CALN1: variants seen among roughly 807,000 people sequenced by gnomAD.
CALN1 encodes the protein calneuron 1.
Under a neutral mutation model 30.6 loss-of-function variants are expected in CALN1, and 17 were observed. The ratio of observed to expected loss-of-function variants is 0.56; its 90% CI spans 0.38 to 0.83. The LOEUF is 0.83. Ranked by LOEUF, CALN1 falls within the 40% of genes least tolerant of loss-of-function variation. The pLI is 0.00. For synonymous variants in CALN1, 156 were observed against 131.4 expected (o/e 1.19, Z -1.28); for missense variants, 291 against 354.9 (o/e 0.82, Z 1.45).
intron 3 of CALN1, among the ~76,000 whole-genome samples, chr7:72,243,478 C>A (rs568512418): frequency 1.3e-5 from 2 of 152,158 alleles, no homozygotes; most frequent in Admixed American, 1.3e-4. Context: ...GAGCTTCTTT[C>A]GGTGCTAAGT....
At chr7:71,982,824 A>G (rs1798469775) in intron 5 of CALN1, among the ~76,000 whole-genome samples, 1 of 152,090 alleles carries the variant, frequency 6.6e-6, no homozygotes, top group African/African-American at 2.4e-5. Flanking sequence ...GCAGACATAG[A>G]AAGGCAGGCC....
chr7:71,788,950 G>A (rs947340521), intron 6 of CALN1, among the ~76,000 whole-genome samples: 11 of 151,926 alleles, frequency 7.2e-5, no homozygotes, highest in South Asian at 4.2e-4. Context: ...GAGCCACTGC[G>A]CCTGGCCGAC....
At chr7:72,148,476 G>A (rs1218981912) in intron 3 of CALN1, among the ~76,000 whole-genome samples, 5 of 152,018 alleles carry the variant, frequency 3.3e-5, no homozygotes, top group African/African-American at 1.2e-4. Context: ...GGTGCCTGTA[G>A]TCCCAGCTAC....
At chr7:72,456,292 G>T in the CALN1 span, among the ~76,000 whole-genome samples, 1 of 152,146 alleles carries the variant, frequency 6.6e-6, no homozygotes, top group Non-Finnish European at 1.5e-5. Flanking sequence ...GGGAGTCGAG[G>T]TGGGAGGATC....
chr7:71,847,362 T>C (rs1790323814), intron 5 of CALN1, among the ~76,000 whole-genome samples: 1 of 151,832 alleles, frequency 6.6e-6, no homozygotes, highest in Admixed American at 6.6e-5. Context: ...ATATAAAGGG[T>C]TTCCTGGCTG....
At chr7:71,909,839 A>G (rs1393573264) in intron 5 of CALN1, among the ~76,000 whole-genome samples, 2 of 152,204 alleles carry the variant, frequency 1.3e-5, no homozygotes, top group Admixed American at 6.5e-5. Flanking sequence ...ATAACCCCTT[A>G]GAGACCCAGT....
At chr7:72,366,534 C>T (rs1180329620) in intron 2 of CALN1, among the ~76,000 whole-genome samples, 1 of 91,524 alleles carries the variant, frequency 1.1e-5, no homozygotes, top group Non-Finnish European at 2.1e-5. Flanking sequence ...TTTTTGGGTG[C>T]ATGGATGAAT....
At chr7:71,794,038 A>G (rs941636474) in intron 6 of CALN1, among the ~76,000 whole-genome samples, 10 of 152,158 alleles carry the variant, frequency 6.6e-5, no homozygotes, top group African/African-American at 2.4e-4. Context: ...CGGGTTGGGT[A>G]CTGCGTTAAG....
At chr7:72,126,124 A>T (rs1025143857) in intron 3 of CALN1, among the ~76,000 whole-genome samples, 2 of 152,126 alleles carry the variant, frequency 1.3e-5, no homozygotes, top group African/African-American at 4.8e-5. Flanking sequence ...ATGCCTCTGC[A>T]TCCTCATAGC....
chr7:72,279,736 G>A (rs897885573), intron 2 of CALN1, among the ~76,000 whole-genome samples: 1 of 152,222 alleles, frequency 6.6e-6, no homozygotes, highest in African/African-American at 2.4e-5. Flanking sequence ...CTTCTCCAAA[G>A]CAGAAAGAGC....
chr7:72,033,746 G>A (rs1801604690), intron 4 of CALN1, among the ~76,000 whole-genome samples: 1 of 152,142 alleles, frequency 6.6e-6, no homozygotes, highest in African/African-American at 2.4e-5. Context: ...AGGCTGAGGG[G>A]CTCATCTTCG....
intron 4 of CALN1, among the ~76,000 whole-genome samples, chr7:72,026,340 C>T (rs751548162): frequency 1.3e-5 from 2 of 152,066 alleles, no homozygotes; most frequent in African/African-American, 2.4e-5. Context: ...AATCCCAACA[C>T]TTTGGGAGGC....
At chr7:71,973,714 G>C (rs546232420) in intron 5 of CALN1, among the ~76,000 whole-genome samples, 1 of 151,886 alleles carries the variant, frequency 6.6e-6, no homozygotes, top group Non-Finnish European at 1.5e-5. Flanking sequence ...ATTTGATGAG[G>C]GGAGGGCCTA....
In CALN1 at chr7:72,299,733, C is replaced by CTG. The variant is rs945700344; in HGVS notation, c.120-20925_120-20924dup. Among the ~76,000 whole-genome samples the CTG allele has an allele frequency of 8.1e-5, 11 of 135,666 alleles. No individual in the cohort carries two copies. The South Asian group carries it at 1.2e-3, about 14-fold the overall frequency. 89.0% of individuals were successfully genotyped at this position (135,666 alleles called of 152,430 possible). A position where few individuals can be genotyped will look rare whatever the true frequency, so the allele number is the denominator to read the frequency against. ...TTTAAAAAGAGAGACTGAGGTCCTG[C>CTG]TGTGTTGCCCAGACTGGTTTCAAAC... On this transcript the variant is annotated intron_variant, in intron 2 of 6. Coordinates refer to ENST00000395275, the MANE Select transcript of CALN1 (RefSeq NM_031468.4).
the CALN1 span, among the ~76,000 whole-genome samples, chr7:72,477,261 G>C: frequency 2.0e-5 from 3 of 151,898 alleles, no homozygotes; most frequent in Non-Finnish European, 4.4e-5. Context: ...AGCGAAAGGA[G>C]CTATTGAGCT....
intron 2 of CALN1, among the ~76,000 whole-genome samples, chr7:72,378,681 TGCCAAGTTTTTTTTTTTTTGAGACGG>T (rs1804709471): frequency 3.5e-5 from 2 of 57,064 alleles, no homozygotes; most frequent in South Asian, 2.3e-3. Context: ...TATTTCCATC[TGCCAAGTTTTTTTTTTTTTGAGACGG>T]AATCTCAAAA....
intron 5 of CALN1, among the ~76,000 whole-genome samples, chr7:71,905,459 T>C (rs1304941238): frequency 2.6e-5 from 4 of 151,742 alleles, no homozygotes; most frequent in African/African-American, 9.7e-5. Flanking sequence ...CAACTCAGGA[T>C]TATATTAACT....
chr7:72,176,770 T>C (rs59254016), intron 3 of CALN1, among the ~76,000 whole-genome samples: 1,844 of 152,252 alleles, frequency 0.012, 31 homozygotes, highest in African/African-American at 0.04. Context: ...AGTCTCCCTT[T>C]CCCAGACAAT....
chr7:72,396,235 T>TAAAAAAAAAAAAAAAAAAAAAAAAA (rs55683543), intron 2 of CALN1, among the ~76,000 whole-genome samples: 15 of 53,314 alleles, frequency 2.8e-4, no homozygotes, highest in Non-Finnish European at 4.2e-4. Flanking sequence ...TTGTCTCTAC[T>TAAAAAAAAAAAAAAAAAAAAAAAAA]AAAAAAAAAA....
Sources: gnomAD v4.1 joint callset for allele counts (sites outside exome capture counted in the v4.1 genomes callset) on GRCh38, gnomAD v4.1.1 for gene constraint, MANE v1.5 for transcripts, NCBI Gene and HGNC (gene_info 2026-07-23, HGNC 2026-07-21) for gene names.